The following CDC42BPA variants were observed in gnomAD, a reference collection of about 807,000 sequenced individuals.
CDC42BPA encodes the protein CDC42 binding protein kinase alpha, also known as serine/threonine-protein kinase MRCK alpha.
A neutral mutation model predicts 223.5 loss-of-function variants in CDC42BPA; 80 were observed. The ratio of observed to expected loss-of-function variants is 0.36; its 90% CI spans 0.30 to 0.43. The LOEUF (loss-of-function observed/expected upper bound fraction) is 0.43. Among genes scored for constraint, CDC42BPA ranks in the 20% least tolerant of loss-of-function variants. CDC42BPA has a pLI of 1.00. For missense variants in CDC42BPA, 1,743 were observed against 2,099.9 expected, an observed-to-expected ratio of 0.83 and a Z score of 3.32; for synonymous variants, 694 against 718.6, an observed-to-expected ratio of 0.97 and a Z score of 0.55.
At chr1:227,268,634 T>TGTGTGTGTATATATATATATAC (rs1685438226) in intron 1 of CDC42BPA, among the ~76,000 whole-genome samples, 4 of 134,728 alleles carry the variant, frequency 3.0e-5, no homozygotes, top group Non-Finnish European at 6.2e-5. Flanking sequence ...ATAGTATGTG[T>TGTGTGTGTATATATATATATAC]ATATATATAG....
At chr1:227,215,518 C>T (rs912244169) in intron 2 of CDC42BPA, among the ~76,000 whole-genome samples, 2 of 152,146 alleles carry the variant, frequency 1.3e-5, no homozygotes, top group Non-Finnish European at 2.9e-5. Flanking sequence ...TGTGGTGTAA[C>T]TGATCAGGGA....
chr1:227,030,157 T>C (rs1470484836), intron 29 of CDC42BPA, among the ~76,000 whole-genome samples: 2 of 150,536 alleles, frequency 1.3e-5, no homozygotes, highest in African/African-American at 4.9e-5. Context: ...AGAAATGCAA[T>C]CTGAGTTCGT....
At chr1:227,269,463 C>T (rs964656513) in intron 1 of CDC42BPA, among the ~76,000 whole-genome samples, 2 of 152,082 alleles carry the variant, frequency 1.3e-5, no homozygotes, top group Non-Finnish European at 2.9e-5. Flanking sequence ...ATGGAAAAAG[C>T]TGTTTTAGCA....
At chr1:227,251,856 C>T (rs1375506902) in intron 2 of CDC42BPA, among the ~76,000 whole-genome samples, 1 of 152,008 alleles carries the variant, frequency 6.6e-6, no homozygotes, top group Non-Finnish European at 1.5e-5. Flanking sequence ...AGTATGCGTT[C>T]TAACCACTTT....
chr1:227,006,993 C>A (rs1664236354), intron 34 of CDC42BPA, among the ~76,000 whole-genome samples: 1 of 142,676 alleles, frequency 7.0e-6, no homozygotes, highest in Non-Finnish European at 1.5e-5. Context: ...CAACAACAAC[C>A]CCCCAGCAAT....
chr1:226,994,713 CT>C lies in CDC42BPA; in HGVS notation c.5133+109del. On this transcript the variant is annotated intron_variant, in intron 36 of 36. Coordinates refer to ENST00000366766, the MANE Select transcript of CDC42BPA (RefSeq NM_001394014.1). This position sits in a 1 kb window ranked among gnomAD's most constrained non-coding sequence, Gnocchi z 4.0. Reference sequence around the variant, plus strand: ...GCTGGCCAAGAGTGAATGCTGGCCCCTGACCCCGAACCCTGCTGCAGCTGAG... The same window carrying C: ...GCTGGCCAAGAGTGAATGCTGGCCCCGACCCCGAACCCTGCTGCAGCTGAG... 1 of 1,181,908 alleles carries C rather than the reference CT, an allele frequency of 8.5e-7. No homozygotes were observed. Among genetic ancestry groups the C allele is most frequent in the Non-Finnish European group, 1.2e-6 (1 of 843,564 alleles). 73.2% of individuals were successfully genotyped at this position (1,181,908 alleles called of 1,614,324 possible). A position where few individuals can be genotyped will look rare whatever the true frequency, so the allele number is the denominator to read the frequency against.
At chr1:227,186,213 A>G (rs368673544) in intron 5 of CDC42BPA, among the ~76,000 whole-genome samples, 68 of 152,282 alleles carry the variant, frequency 4.5e-4, no homozygotes, top group African/African-American at 1.6e-3. Context: ...TTTATTTTTG[A>G]GTTTTACCAC....
intron 2 of CDC42BPA, among the ~76,000 whole-genome samples, chr1:227,247,922 G>A (rs1202751836): frequency 4.0e-5 from 6 of 151,856 alleles, no homozygotes; most frequent in African/African-American, 7.3e-5. Context: ...TAAAAATCAA[G>A]CAGAAATTCT....
At chr1:227,067,155 G>A (rs527297523) in intron 21 of CDC42BPA, among the ~76,000 whole-genome samples, 178 of 152,290 alleles carry the variant, frequency 1.2e-3, no homozygotes, top group Admixed American at 2.2e-3. Context: ...TAGAAGATGA[G>A]AAAGGATATT....
At chr1:227,031,633 C>T in intron 27 of CDC42BPA, 119 bp from the exon 28 acceptor site, 1 of 739,030 alleles carries the variant, frequency 1.4e-6, no homozygotes, top group Non-Finnish European at 2.2e-6. Flanking sequence ...TAAATGATAC[C>T]ATTACTGGAG....
chr1:226,997,132 G>T (rs1661777748), intron 35 of CDC42BPA, among the ~76,000 whole-genome samples: 1 of 152,186 alleles, frequency 6.6e-6, no homozygotes, highest in Non-Finnish European at 1.5e-5. Flanking sequence ...CTCAATTTCA[G>T]AACTTGTTAT....
chr1:227,160,681 T>C (rs759053906), intron 5 of CDC42BPA, 45 bp from the exon 6 acceptor site: 13 of 1,062,560 alleles, frequency 1.2e-5, no homozygotes, highest in Non-Finnish European at 1.1e-5. Context: ...AAATAAACAA[T>C]TCATTGTTTG....
At position 227,074,266 on chromosome 1, in the gene CDC42BPA, C is replaced by T. The variant is rs774836509; in HGVS notation, c.2579G>A (p.Arg860Gln). The T allele has an allele frequency of 3.7e-6, 6 of 1,610,982 alleles. No individual in the cohort carries two copies. Among genetic ancestry groups the T allele is most frequent in the African/African-American group, 2.7e-5 (2 of 74,784 alleles). Residue 860 changes from arginine (R) to glutamine (Q), a missense_variant, in exon 18 of 37, where the codon CGA becomes CAA. Transcript: ENST00000366766. ...EALRNSSLGTRATDMPWKMRR... is the reference protein window; with the variant it reads ...EALRNSSLGTQATDMPWKMRR... ...AAAATCATAGAAGCTTACTGTTGCTCGTGTACCCAAGCTGGAATTTCTTAA... is the reference window on the plus strand; with the variant it reads ...AAAATCATAGAAGCTTACTGTTGCTTGTGTACCCAAGCTGGAATTTCTTAA...
At position 227,274,032 on chromosome 1, in the gene CDC42BPA, T is replaced by G. The variant is rs1023995063; in HGVS notation, c.179-19877A>C. ...AAAAAAAAAAAAAAAGGAAGAGTAT[T>G]TCCCCCACCCTGTAAATTTGAGAGA... On this transcript the variant is annotated intron_variant, in intron 1 of 36. Coordinates refer to ENST00000366766, the MANE Select transcript of CDC42BPA (RefSeq NM_001394014.1). Among the ~76,000 whole-genome samples the G allele has an allele frequency of 5.8e-5, 8 of 137,256 alleles. 1 individual carries two copies. Among genetic ancestry groups the G allele is most frequent in the Admixed American group, 3.7e-4 (5 of 13,382 alleles). 90.0% of individuals were successfully genotyped at this position (137,256 alleles called of 152,430 possible). A position where few individuals can be genotyped will look rare whatever the true frequency, so the allele number is the denominator to read the frequency against.
At chr1:227,272,425 GT>G (rs1175424324) in intron 1 of CDC42BPA, among the ~76,000 whole-genome samples, 3 of 151,928 alleles carry the variant, frequency 2.0e-5, no homozygotes, top group African/African-American at 7.3e-5. Flanking sequence ...ATGTACTGAA[GT>G]TTTATTTTTA....
intron 20 of CDC42BPA, 83 bp from the exon 21 acceptor site, chr1:227,069,936 A>C: frequency 2.3e-6 from 2 of 883,362 alleles, no homozygotes; most frequent in Non-Finnish European, 3.6e-6. Flanking sequence ...TGAATCTACT[A>C]AAAGCAGTTC....
chr1:227,101,182 T>C lies in CDC42BPA; in HGVS notation c.2059A>G (p.Thr687Ala), dbSNP rs1684985904. Residue 687 changes from threonine to alanine, a missense_variant, in exon 15 of 37, where the codon ACC becomes GCC. This residue lies in a region of CDC42BPA where 464 missense variants were observed against 488.0 expected (regional missense o/e 0.95). Coordinates refer to ENST00000366766, the MANE Select transcript of CDC42BPA (RefSeq NM_001394014.1). The part of the protein sequence containing the change: ...VCSIEHQQEI[T>A]KLKTDLEKKS... ...TTTTCCAAATCAGTCTTTAGTTTGG[T>C]TATCTCTTGCTGATGTTCTATGCTG... The C allele has an allele frequency of 4.4e-6, 7 of 1,601,040 alleles. No homozygotes were observed. The South Asian group carries it at 5.5e-5, about 13-fold the overall frequency.
At chr1:227,186,246 T>C (rs565377247) in intron 5 of CDC42BPA, among the ~76,000 whole-genome samples, 9 of 152,294 alleles carry the variant, frequency 5.9e-5, no homozygotes, top group Admixed American at 4.6e-4. Context: ...CAGGTCCTCA[T>C]AGTGAATACC....
intron 1 of CDC42BPA, among the ~76,000 whole-genome samples, chr1:227,271,799 G>C (rs1242282803): frequency 6.6e-6 from 1 of 152,072 alleles, no homozygotes; most frequent in African/African-American, 2.4e-5. Flanking sequence ...AACATTCTGG[G>C]TAGTTACCTA....
Sources: gnomAD v4.1 joint callset for allele counts (sites outside exome capture counted in the v4.1 genomes callset) on GRCh38, gnomAD v4.1.1 for gene constraint, gnomAD v4.1.1 regional missense constraint, Gnocchi (gnomAD v3.1) non-coding constraint, MANE v1.5 for transcripts, NCBI Gene and HGNC (gene_info 2026-07-23, HGNC 2026-07-21) for gene names.